ECH1: variants seen among roughly 807,000 people sequenced by gnomAD.
ECH1 encodes the protein delta(3,5)-Delta(2,4)-dienoyl-CoA isomerase, mitochondrial.
A neutral mutation model predicts 37.0 loss-of-function variants in ECH1; 30 were observed. The ratio of observed to expected loss-of-function variants is 0.81; its 90% CI spans 0.61 to 1.10. The LOEUF is 1.10. Among genes scored for constraint, ECH1 ranks in the 50% least tolerant of loss-of-function variants. The probability of loss-of-function intolerance (pLI) is 0.00; values close to 1 mark genes in which losing one functional copy is unlikely to be tolerated. For missense variants in ECH1, 456 were observed against 441.6 expected (o/e 1.03, Z -0.29); for synonymous variants, 178 against 176.0 (o/e 1.01, Z -0.09).
Position 38,815,890 on chromosome 19 carries a change from G to A in ECH1, c.849C>T (p.Arg283=), listed in dbSNP as rs748890648. Residue 283 remains arginine (R), a synonymous_variant, in exon 9 of 10, where the codon CGC becomes CGT. Coordinates refer to ENST00000221418, the MANE Select transcript of ECH1 (RefSeq NM_001398.3). The part of the protein sequence containing the change: ...QSTKVNLLYS[R]DHSVAESLNY... ...TGAGGCTCTCGGCCACCGAATGGTC[G>A]CGGGAATACAGCAGGTTGACCTTGG... 6 of 1,614,066 alleles carry A rather than the reference G, an allele frequency of 3.7e-6. No homozygotes were observed. Among genetic ancestry groups the A allele is most frequent in the African/African-American group, 1.3e-5 (1 of 74,938 alleles).
chr19:38,817,319 C>T lies in ECH1; in HGVS notation c.520G>A (p.Gly174Arg), dbSNP rs757032356. ...AGGAGGATAGCCGCAGACTCACCTC[C>T]GCCAATGCAGCCCCCATGGACGGCA... ...IAAVHGGCIG[G>R]GVDLVTACDI... The change falls in exon 5 of 10, where the codon GGA becomes AGA. Residue 174 changes from glycine (G) to arginine (R), a missense_variant. Gly to Arg is a moderately radical substitution (Grantham distance 125, BLOSUM62 -2). Coordinates refer to ENST00000221418, the MANE Select transcript of ECH1 (RefSeq NM_001398.3). The T allele has an allele frequency of 8.3e-6, 13 of 1,558,608 alleles. No individual in the cohort carries two copies. The Admixed American group carries it at 9.6e-5, about 12-fold the overall frequency.
rs537161264 is a variant in ECH1, at chr19:38,818,483, T to TA, written c.350-909_350-908insT. On this transcript the variant is annotated intron_variant, in intron 3 of 9. Transcript: ENST00000221418. ...ACCTTCTTGGGTCAGATCCTCTTTT[T>TA]TTTTATTTTATTTTTTTTATTTCAG... 3.4e-3 allele frequency: 2,460 copies of TA among 713,540 alleles called. 11 individuals carry two copies. The highest frequency in any genetic ancestry group is 0.031 in the Middle Eastern group (42 of 1,356). The allele number at this position is 713,540 out of a possible 1,614,324, so 44.2% of individuals were successfully genotyped here.
chr19:38,823,838 G>A (rs1016377003), intron 3 of ECH1, among the ~76,000 whole-genome samples: 3 of 152,140 alleles, frequency 2.0e-5, no homozygotes, highest in African/African-American at 7.2e-5. Context: ...TCCGAGTTTA[G>A]TCCTGCTTCT....
At chr19:38,817,631 C>A in intron 3 of ECH1, 56 bp from the exon 4 acceptor site, 1 of 1,534,142 alleles carries the variant, frequency 6.5e-7, no homozygotes, top group Non-Finnish European at 8.8e-7. Context: ...CCCATTGACT[C>A]AACCAGGGAT....
rs1312047003 is a variant in ECH1, at chr19:38,816,020, A to G, written c.732-13T>C. Reference sequence around the variant, plus strand: ...TGGGAACACCCGGCTGCAGTGAAAGAGATCAGGGACCGGGTGGGCTGGGAA... The same window carrying G: ...TGGGAACACCCGGCTGCAGTGAAAGGGATCAGGGACCGGGTGGGCTGGGAA... On this transcript the variant is annotated splice_polypyrimidine_tract_variant and intron_variant, in intron 8 of 9. Transcript: ENST00000221418. 6.2e-7 allele frequency: 1 copy of G among 1,612,230 alleles called. No individual in the cohort carries two copies. Among genetic ancestry groups the G allele is most frequent in the Admixed American group, 1.7e-5 (1 of 60,006 alleles).
intron 3 of ECH1, among the ~76,000 whole-genome samples, chr19:38,825,309 G>A (rs1237110490): frequency 6.6e-6 from 1 of 152,148 alleles, no homozygotes; most frequent in Non-Finnish European, 1.5e-5. Flanking sequence ...GTTCTAGAAG[G>A]ACTAAGGAGA....
In ECH1 at chr19:38,831,219, A is replaced by C. The variant is rs1309923696; in HGVS notation, c.261-53T>G. Reference sequence around the variant, plus strand: ...AATGGGGCGGGAATACCCTGCCCTCATGTCCATCTTCCCACAACGTTCCAC... The same window carrying C: ...AATGGGGCGGGAATACCCTGCCCTCCTGTCCATCTTCCCACAACGTTCCAC... On this transcript the variant is annotated intron_variant, in intron 2 of 9. Coordinates refer to ENST00000221418, the MANE Select transcript of ECH1 (RefSeq NM_001398.3). The C allele has an allele frequency of 1.1e-5, 18 of 1,608,430 alleles. No individual in the cohort carries two copies. The East Asian group carries it at 2.7e-4, about 24-fold the overall frequency.
At chr19:38,830,332 A>G (rs1333884825) in intron 3 of ECH1, among the ~76,000 whole-genome samples, 1 of 152,180 alleles carries the variant, frequency 6.6e-6, no homozygotes, top group Non-Finnish European at 1.5e-5. Flanking sequence ...AAAGCATGTT[A>G]TTATATTATA....
chr19:38,825,504 C>A (rs1451496204), intron 3 of ECH1, among the ~76,000 whole-genome samples: 1 of 152,166 alleles, frequency 6.6e-6, no homozygotes, highest in East Asian at 1.9e-4. Flanking sequence ...CCGCAGATAT[C>A]AGGAGAAAGC....
rs777883665 is a variant in ECH1 at position 38,831,273 on chromosome 19, C to T, written c.260+36G>A. On this transcript the variant is annotated intron_variant, in intron 2 of 9. Coordinates refer to ENST00000221418, the MANE Select transcript of ECH1 (RefSeq NM_001398.3). ...CACCCAGTCCCGCAGCCCCGCCTCC[C>T]CCCGCAGGCAGGCCTCCAGGATCTG... 1.1e-5 allele frequency: 17 copies of T among 1,606,608 alleles called. No homozygotes were observed. The East Asian group carries it at 3.8e-4, about 36-fold the overall frequency.
intron 3 of ECH1, chr19:38,818,475 C>A: frequency 1.3e-6 from 1 of 763,730 alleles, no homozygotes; most frequent in Non-Finnish European, 1.6e-6. Flanking sequence ...TGGGTCAGAT[C>A]CTCTTTTTTT....
intron 3 of ECH1, among the ~76,000 whole-genome samples, chr19:38,830,295 T>C (rs1444541773): frequency 6.6e-6 from 1 of 152,156 alleles, no homozygotes; most frequent in African/African-American, 2.4e-5. Context: ...TAACTGGAAA[T>C]CAATTAGTGA....
intron 3 of ECH1, among the ~76,000 whole-genome samples, chr19:38,822,831 G>A (rs903836859): frequency 5.3e-5 from 8 of 152,222 alleles, no homozygotes; most frequent in Non-Finnish European, 8.8e-5. Flanking sequence ...GGCTGTCCGA[G>A]CCAGCAGTGG....
At position 38,817,319 on chromosome 19, in the gene ECH1, C is replaced by A. The variant is rs757032356; in HGVS notation, c.520G>T (p.Gly174Ter). The change falls in exon 5 of 10, where the codon GGA becomes TGA. Residue 174 changes from glycine (G) to a stop codon, truncating the protein, a stop_gained. Coordinates refer to ENST00000221418, the MANE Select transcript of ECH1 (RefSeq NM_001398.3). LOFTEE classifies it high-confidence loss of function. ...IAAVHGGCIGGGVDLVTACDI... is the reference protein window; with the variant it reads ...IAAVHGGCIG ...AGGAGGATAGCCGCAGACTCACCTCCGCCAATGCAGCCCCCATGGACGGCA... is the reference window on the plus strand; with the variant it reads ...AGGAGGATAGCCGCAGACTCACCTCAGCCAATGCAGCCCCCATGGACGGCA... 6.4e-7 allele frequency: 1 copy of A among 1,558,726 alleles called. No individual in the cohort carries two copies.
chr19:38,817,256 G>C (rs911790850), intron 5 of ECH1, 60 bp downstream of exon 5: 2 of 1,529,780 alleles, frequency 1.3e-6, no homozygotes, highest in African/African-American at 2.7e-5. Flanking sequence ...AGTGGCCGCG[G>C]CATCGGAGCA....
chr19:38,828,814 G>A (rs1044513802), intron 3 of ECH1, among the ~76,000 whole-genome samples: 7 of 150,402 alleles, frequency 4.7e-5, no homozygotes, highest in African/African-American at 1.7e-4. Context: ...GTAGAGATGG[G>A]GTTTCACCAT....
chr19:38,821,501 A>G (rs1971661020), intron 3 of ECH1, among the ~76,000 whole-genome samples: 1 of 152,024 alleles, frequency 6.6e-6, no homozygotes, highest in African/African-American at 2.4e-5. Context: ...GTGGAGGGAG[A>G]GGCGCGGGCG....
intron 6 of ECH1, chr19:38,816,851 C>T: frequency 1.5e-6 from 1 of 653,884 alleles, no homozygotes; most frequent in East Asian, 2.7e-5. Flanking sequence ...CCAGTATGGC[C>T]CCAGGAGCAA....
At chr19:38,822,844 ACCCACTCACGT>A (rs976909603) in intron 3 of ECH1, 3 of 152,268 alleles carry the variant, frequency 2.0e-5, no homozygotes, top group Non-Finnish European at 4.4e-5. Flanking sequence ...AGCAGTGGCA[ACCCACTCACGT>A]CCCCTTCCAT....
Sources: gnomAD v4.1 joint callset for allele counts (sites outside exome capture counted in the v4.1 genomes callset) on GRCh38, gnomAD v4.1.1 for gene constraint, MANE v1.5 for transcripts, NCBI Gene and HGNC (gene_info 2026-07-23, HGNC 2026-07-21) for gene names.